Variants in SMOC2 observed in about 807,000 individuals in gnomAD.
SMOC2 encodes the protein SPARC related modular calcium binding 2.
A neutral mutation model predicts 61.4 loss-of-function variants in SMOC2; 39 were observed. The ratio of observed to expected loss-of-function variants is 0.64; its 90% CI spans 0.49 to 0.83. SMOC2 has a LOEUF of 0.83. Among genes scored for constraint, SMOC2 ranks in the 40% least tolerant of loss-of-function variants. The probability of loss-of-function intolerance (pLI) is 0.00; values close to 1 mark genes in which losing one functional copy is unlikely to be tolerated. For synonymous variants in SMOC2, 247 were observed against 239.9 expected (o/e 1.03, Z -0.27); for missense variants, 556 against 592.9 (o/e 0.94, Z 0.65).
intron 7 of SMOC2, among the ~76,000 whole-genome samples, chr6:168,554,565 G>A (rs1784203760): frequency 6.6e-6 from 1 of 152,218 alleles, no homozygotes; most frequent in Admixed American, 6.5e-5. Context: ...TCTCAGGCCT[G>A]CACAGGCCGT....
chr6:168,474,022 C>G (rs1424284440), intron 1 of SMOC2, among the ~76,000 whole-genome samples: 4 of 152,112 alleles, frequency 2.6e-5, no homozygotes, highest in Non-Finnish European at 5.9e-5. Context: ...GCATAACAAC[C>G]CATTCGCCTC....
intron 11 of SMOC2, among the ~76,000 whole-genome samples, chr6:168,657,746 A>G (rs774682120): frequency 6.6e-6 from 1 of 152,148 alleles, no homozygotes; most frequent in Non-Finnish European, 1.5e-5. Flanking sequence ...GTGCTGTGTC[A>G]TCCCCAAATA....
At chr6:168,457,030 T>A (rs1017650501) in intron 1 of SMOC2, among the ~76,000 whole-genome samples, 3 of 152,142 alleles carry the variant, frequency 2.0e-5, no homozygotes, top group Non-Finnish European at 2.9e-5. Context: ...CTGCTCCACA[T>A]CATGCTCCAT....
intron 6 of SMOC2, among the ~76,000 whole-genome samples, chr6:168,547,971 A>C (rs1049164930): frequency 1.3e-5 from 2 of 152,214 alleles, no homozygotes; most frequent in Non-Finnish European, 2.9e-5. Context: ...GGTCATAACA[A>C]GGAGAGATTT....
At chr6:168,455,024 T>A (rs974245274) in intron 1 of SMOC2, among the ~76,000 whole-genome samples, 1 of 151,984 alleles carries the variant, frequency 6.6e-6, no homozygotes, top group African/African-American at 2.4e-5. Flanking sequence ...GGGAGCTGTG[T>A]GTATTGGGTT....
At chr6:168,649,695 G>C (rs182789264) in intron 9 of SMOC2, among the ~76,000 whole-genome samples, 6 of 152,154 alleles carry the variant, frequency 3.9e-5, no homozygotes, top group African/African-American at 1.4e-4. Flanking sequence ...CGATCTCATC[G>C]GGGAAACGAG....
chr6:168,486,769 A>C (rs1469314546), intron 1 of SMOC2, among the ~76,000 whole-genome samples: 1 of 152,000 alleles, frequency 6.6e-6, no homozygotes, highest in Non-Finnish European at 1.5e-5. Flanking sequence ...AACAAAACAA[A>C]ACAAAACATA....
chr6:168,610,213 A>C (rs534605972), intron 9 of SMOC2, among the ~76,000 whole-genome samples: 21 of 152,212 alleles, frequency 1.4e-4, no homozygotes, highest in African/African-American at 4.6e-4. Flanking sequence ...ACAGGAGGAG[A>C]AGGATGGTTA....
At chr6:168,441,624 C>T (rs2114984664) in intron 1 of SMOC2, among the ~76,000 whole-genome samples, 170 bp downstream of exon 1, 1 of 152,258 alleles carries the variant, frequency 6.6e-6, no homozygotes, top group Non-Finnish European at 1.5e-5. Context: ...AGGTAGGACG[C>T]AGCGTGCGCG....
chr6:168,649,279 G>A (rs1279944692), intron 9 of SMOC2, among the ~76,000 whole-genome samples: 1 of 152,170 alleles, frequency 6.6e-6, no homozygotes, highest in Non-Finnish European at 1.5e-5. Context: ...ATCTAAATTG[G>A]GCAGAAGGTG....
chr6:168,565,368 C>T (rs895799226), intron 7 of SMOC2, among the ~76,000 whole-genome samples: 2 of 152,156 alleles, frequency 1.3e-5, no homozygotes, highest in Non-Finnish European at 2.9e-5. Flanking sequence ...TGACTGGCCT[C>T]CATGTGGTCT....
chr6:168,546,830 C>T (rs1044258823), intron 5 of SMOC2, among the ~76,000 whole-genome samples: 2 of 152,212 alleles, frequency 1.3e-5, no homozygotes, highest in African/African-American at 4.8e-5. Context: ...TCCTCATCTG[C>T]CCTATGGCCT....
chr6:168,536,995 G>A (rs1277266078), intron 4 of SMOC2, among the ~76,000 whole-genome samples: 6 of 152,236 alleles, frequency 3.9e-5, no homozygotes, highest in Admixed American at 3.9e-4. Context: ...CAGGACAAGA[G>A]TGAAAATGAA....
chr6:168,602,116 G>A (rs912591087), intron 8 of SMOC2, among the ~76,000 whole-genome samples: 3 of 152,152 alleles, frequency 2.0e-5, no homozygotes, highest in Admixed American at 2.0e-4. Flanking sequence ...CATTGAATAA[G>A]AGAGGAGAGG....
chr6:168,559,038 G>A (rs972318718), intron 7 of SMOC2, among the ~76,000 whole-genome samples: 4 of 152,232 alleles, frequency 2.6e-5, no homozygotes, highest in South Asian at 4.1e-4. Context: ...ACTGGAAATC[G>A]TAGTGACAGG....
chr6:168,634,716 C>T lies in SMOC2; in HGVS notation c.908-15965C>T, dbSNP rs528637717. On this transcript the variant is annotated intron_variant, in intron 9 of 12. Transcript: ENST00000356284. ...TTTGGAGAGTTTCCTATAGGAGAAG[C>T]TGTGTTATTTAAATGTTTTCCAGTT... 1.6e-4 allele frequency among the ~76,000 whole-genome samples: 25 copies of T among 152,312 alleles called. No homozygotes were observed. In the South Asian group the frequency reaches 2.1e-3, roughly 13 times the overall value.
chr6:168,619,021 AG>A (rs1786176750), intron 9 of SMOC2, among the ~76,000 whole-genome samples: 1 of 152,204 alleles, frequency 6.6e-6, no homozygotes, highest in African/African-American at 2.4e-5. Flanking sequence ...CAGAGAACCA[AG>A]TGTTAGATGA....
intron 2 of SMOC2, among the ~76,000 whole-genome samples, chr6:168,512,565 T>C (rs1020688056): frequency 2.6e-5 from 4 of 152,218 alleles, no homozygotes; most frequent in Admixed American, 2.6e-4. Context: ...ATAAATGAAG[T>C]GCAGTGGCAG....
At position 168,596,452 on chromosome 6, in the gene SMOC2, C is replaced by A. The variant is rs192264343; in HGVS notation, c.638-2366C>A. Among the ~76,000 whole-genome samples the A allele has an allele frequency of 2.9e-5, 4 of 137,414 alleles. 1 individual carries two copies. Among genetic ancestry groups the A allele is most frequent in the African/African-American group, 1.2e-4 (4 of 33,224 alleles). The allele number at this position is 137,414 out of a possible 152,430, so 90.1% of individuals were successfully genotyped here. On this transcript the variant is annotated intron_variant, in intron 7 of 12. Transcript: ENST00000356284. ...GTGCTGCTGGAGGGGCATGAGCAAG[C>A]GCCACGTGAACACGGCAGTGCTAAG... is the stretch of plus-strand genomic sequence containing the variant.
Sources: allele counts gnomAD v4.1 joint callset (sites outside exome capture counted in the v4.1 genomes callset), GRCh38; gene constraint gnomAD v4.1.1; transcripts MANE v1.5; gene names NCBI Gene and HGNC (gene_info 2026-07-23, HGNC 2026-07-21).